Variants in RBFOX1 observed in about 807,000 individuals in gnomAD.
The protein encoded by RBFOX1 is RNA binding fox-1 homolog 1.
In RBFOX1, 8 loss-of-function variants were observed where a neutral mutation model predicts 57.7. The ratio of observed to expected loss-of-function variants is 0.14; its 90% CI spans 0.08 to 0.25. The LOEUF is 0.25. RBFOX1 is among the 10% of genes least tolerant of loss of function. The probability of loss-of-function intolerance (pLI) is 1.00; values close to 1 mark genes in which losing one functional copy is unlikely to be tolerated. For synonymous variants in RBFOX1, 326 were observed against 222.4 expected, an observed-to-expected ratio of 1.47 and a Z score of -4.15; for missense variants, 611 against 548.5, an observed-to-expected ratio of 1.11 and a Z score of -1.14.
At chr16:6,695,841 C>T (rs2060962689) in intron 3 of RBFOX1, among the ~76,000 whole-genome samples, 1 of 152,150 alleles carries the variant, frequency 6.6e-6, no homozygotes, top group Non-Finnish European at 1.5e-5. Context: ...GTTTTCCCTG[C>T]TGGAAATCCA....
chr16:6,556,576 C>G (rs573060973), intron 2 of RBFOX1, among the ~76,000 whole-genome samples: 69 of 152,242 alleles, frequency 4.5e-4, no homozygotes, highest in African/African-American at 1.4e-3. Context: ...ATGAGACATT[C>G]TTGTCATTTT....
chr16:7,297,660 G>A (rs1040624065), intron 4 of RBFOX1, among the ~76,000 whole-genome samples: 1 of 152,082 alleles, frequency 6.6e-6, no homozygotes, highest in Admixed American at 6.6e-5. Flanking sequence ...CTTTAGGAAC[G>A]TGTAGCCTGG....
chr16:5,651,565 C>A (rs567776426), intron 3 of RBFOX1, among the ~76,000 whole-genome samples: 1 of 151,972 alleles, frequency 6.6e-6, no homozygotes. Context: ...AGCATTTTTT[C>A]GGGGGAAATG....
chr16:6,930,105 T>A (rs1374316629), intron 3 of RBFOX1, among the ~76,000 whole-genome samples: 1 of 152,164 alleles, frequency 6.6e-6, no homozygotes, highest in Non-Finnish European at 1.5e-5. Context: ...TGCTCTTGAA[T>A]GTTGAGAAGC....
At chr16:5,571,386 G>T (rs752419502) in intron 2 of RBFOX1, among the ~76,000 whole-genome samples, 3 of 151,242 alleles carry the variant, frequency 2.0e-5, no homozygotes, top group African/African-American at 7.3e-5. Context: ...ACGCCCAGCT[G>T]TTTTTTTTAG....
At chr16:7,385,915 GTTACTTATTTATTTAT>G (rs1415247785) in intron 4 of RBFOX1, among the ~76,000 whole-genome samples, 9 of 89,040 alleles carry the variant, frequency 1.0e-4, no homozygotes, top group South Asian at 3.9e-4. Context: ...ACCATGCCCA[GTTACTTATTTATTTAT>G]TTATTTATTT....
At chr16:7,695,052 G>C (rs1364361014) in intron 14 of RBFOX1, among the ~76,000 whole-genome samples, 2 of 152,206 alleles carry the variant, frequency 1.3e-5, no homozygotes, top group Non-Finnish European at 2.9e-5. Context: ...GAAAATGAAA[G>C]TTTGCATGCG....
chr16:6,768,602 C>T (rs532099785), intron 3 of RBFOX1, among the ~76,000 whole-genome samples: 18 of 151,742 alleles, frequency 1.2e-4, no homozygotes, highest in African/African-American at 4.4e-4. Flanking sequence ...TACACATCTA[C>T]AAACATATAT....
chr16:7,354,240 C>T (rs144555322), intron 4 of RBFOX1, among the ~76,000 whole-genome samples: 14 of 152,148 alleles, frequency 9.2e-5, no homozygotes, highest in African/African-American at 2.7e-4. Context: ...CACACTGCTG[C>T]GATTACAGGT....
At chr16:7,252,237 C>A (rs978900731) in intron 4 of RBFOX1, among the ~76,000 whole-genome samples, 1 of 152,204 alleles carries the variant, frequency 6.6e-6, no homozygotes, top group African/African-American at 2.4e-5. Flanking sequence ...CCCATATCTC[C>A]ATTCATTTAT....
intron 3 of RBFOX1, among the ~76,000 whole-genome samples, chr16:7,036,771 GTAAAGTGAAAGCAAGTTTA>G: frequency 6.6e-6 from 1 of 151,872 alleles, no homozygotes; most frequent in Non-Finnish European, 1.5e-5. Flanking sequence ...AGTCCATAGA[GTAAAGTGAAAGCAAGTTTA>G]TTAAGAAAGT....
At chr16:6,059,058 A>G (rs2095652451) in intron 1 of RBFOX1, 4 of 152,202 alleles carry the variant, frequency 2.6e-5, no homozygotes, top group Admixed American at 1.3e-4. Context: ...ATGCACTACT[A>G]TTAATAGACT....
intron 3 of RBFOX1, among the ~76,000 whole-genome samples, chr16:5,831,311 T>A (rs541517585): frequency 7.2e-5 from 11 of 152,010 alleles, no homozygotes; most frequent in African/African-American, 2.7e-4. Flanking sequence ...GTGTGGCACC[T>A]TCCCTGCCAT....
At chr16:6,946,043 G>C (rs747749762) in intron 3 of RBFOX1, among the ~76,000 whole-genome samples, 8 of 152,312 alleles carry the variant, frequency 5.3e-5, no homozygotes, top group Admixed American at 2.0e-4. Flanking sequence ...TGCTTCACTG[G>C]AAATGTGAGG....
intron 3 of RBFOX1, among the ~76,000 whole-genome samples, chr16:6,872,576 A>G (rs1016217334): frequency 6.6e-6 from 1 of 152,142 alleles, no homozygotes; most frequent in African/African-American, 2.4e-5. Context: ...AAAGATAAGA[A>G]CGTTTGGAAC....
intron 1 of RBFOX1, among the ~76,000 whole-genome samples, chr16:6,063,433 T>C (rs1431209673): frequency 6.6e-6 from 1 of 151,198 alleles, no homozygotes; most frequent in Non-Finnish European, 1.5e-5. Flanking sequence ...TCTCAAGCAT[T>C]ATCCATCATT....
At chr16:6,194,962 C>T (rs1325448996) in intron 1 of RBFOX1, among the ~76,000 whole-genome samples, 1 of 152,130 alleles carries the variant, frequency 6.6e-6, no homozygotes, top group Non-Finnish European at 1.5e-5. Context: ...CCCTATTTAA[C>T]TTACTCTGTG....
intron 4 of RBFOX1, among the ~76,000 whole-genome samples, chr16:7,398,660 G>C (rs1226334642): frequency 2.0e-5 from 3 of 152,222 alleles, no homozygotes; most frequent in African/African-American, 7.2e-5. Context: ...GCAATTTTGA[G>C]CTTGAAACTT....
At chr16:6,657,753 C>T (rs868502337) in intron 3 of RBFOX1, among the ~76,000 whole-genome samples, 1 of 152,126 alleles carries the variant, frequency 6.6e-6, no homozygotes, top group Non-Finnish European at 1.5e-5. Context: ...GCGGCAGCCT[C>T]TTGGCCTATG....
Sources: allele counts gnomAD v4.1 joint callset (sites outside exome capture counted in the v4.1 genomes callset), GRCh38; gene constraint gnomAD v4.1.1; transcripts MANE v1.5; gene names NCBI Gene and HGNC (gene_info 2026-07-23, HGNC 2026-07-21).